The following FILIP1 variants were observed in gnomAD, a reference collection of about 807,000 sequenced individuals.
FILIP1 encodes the protein filamin-A-interacting protein 1.
FILIP1 carries 61 observed loss-of-function variants against 102.1 expected under a neutral mutation model. That is an observed-to-expected ratio of 0.60 (90% CI 0.49 to 0.74). The LOEUF (loss-of-function observed/expected upper bound fraction) is 0.74, where lower values mean the gene tolerates loss of function less well. FILIP1 is among the 30% of genes least tolerant of loss of function. The pLI is 0.00. For synonymous variants in FILIP1, 491 were observed against 526.9 expected (o/e 0.93, Z 0.93); for missense variants, 1,314 against 1,441.2 (o/e 0.91, Z 1.43).
chr6:75,319,520 C>T, intron 4 of FILIP1: 2 of 574,764 alleles, frequency 3.5e-6, no homozygotes, highest in Admixed American at 3.8e-5. Flanking sequence ...GGTCTTCTAC[C>T]TCTCTGAGCA....
Position 75,312,902 on chromosome 6 carries a change from G to C in FILIP1, c.2930C>G (p.Ala977Gly). 1 of 1,614,190 alleles carries C rather than the reference G, an allele frequency of 6.2e-7. No homozygotes were observed. Among genetic ancestry groups the C allele is most frequent in the East Asian group, 2.2e-5 (1 of 44,886 alleles). The change falls in exon 5 of 6, where the codon GCC becomes GGC. Residue 977 changes from alanine to glycine, a missense_variant. By Grantham distance (60) the Ala-to-Gly change is moderately conservative. Coordinates refer to ENST00000237172, the MANE Select transcript of FILIP1 (RefSeq NM_015687.5). ...TGTAGTAATTGTGACTGGGGACATG[G>C]CTCGTTCTGGGCCAAGAGTAGTATC... ...SGDTTLGPER[A>G]MSPVTITTFS...
chr6:75,425,531 G>C (rs1239201224), intron 1 of FILIP1, among the ~76,000 whole-genome samples: 1 of 152,024 alleles, frequency 6.6e-6, no homozygotes, highest in African/African-American at 2.4e-5. Context: ...CTCCACACTG[G>C]CCTTAAGGTG....
At chr6:75,295,770 T>A in exon 7 of FILIP1, 1 of 472,770 alleles carries the variant, frequency 2.1e-6, no homozygotes, top group Non-Finnish European at 3.4e-6. Flanking sequence ...ATTATATCCT[T>A]AAAAAAAAAT....
intron 2 of FILIP1, chr6:75,367,282 T>C (rs1401037827): frequency 1.3e-5 from 2 of 152,222 alleles, no homozygotes; most frequent in African/African-American, 2.4e-5. Context: ...ACATTGTATT[T>C]ATTTACAACC....
chr6:75,486,176 G>T (rs1779784272), intron 1 of FILIP1, among the ~76,000 whole-genome samples: 1 of 152,210 alleles, frequency 6.6e-6, no homozygotes. Context: ...GGGGCTCTGA[G>T]TTGTCAATAG....
chr6:75,366,282 T>C (rs553187194), intron 2 of FILIP1, among the ~76,000 whole-genome samples: 1 of 152,372 alleles, frequency 6.6e-6, no homozygotes, highest in Admixed American at 6.5e-5. Flanking sequence ...AAATTGGCTC[T>C]CAAATGTAAA....
chr6:75,390,919 C>T (rs1474579729), intron 2 of FILIP1, among the ~76,000 whole-genome samples: 2 of 151,998 alleles, frequency 1.3e-5, no homozygotes, highest in Non-Finnish European at 2.9e-5. Context: ...GATGTTCTGA[C>T]TTCCCAGTTC....
intron 4 of FILIP1, among the ~76,000 whole-genome samples, chr6:75,329,888 A>G (rs186406035): frequency 6.6e-6 from 1 of 152,330 alleles, no homozygotes; most frequent in Admixed American, 6.5e-5. Context: ...TGAGGTATCC[A>G]TGACCTCAAG....
rs1562468914 is a variant in FILIP1 at position 75,331,761 on chromosome 6, GTACACTACAC to G, written c.630-16569_630-16560del. Among the ~76,000 whole-genome samples, 21 of 11,708 alleles carry G rather than the reference GTACACTACAC, an allele frequency of 1.8e-3. 1 individual carries two copies. In the East Asian group the frequency reaches 0.019, roughly 10 times the overall value. The allele number at this position is 11,708 out of a possible 152,430, so 7.7% of individuals were successfully genotyped here. On this transcript the variant is annotated intron_variant, in intron 4 of 5. Coordinates refer to ENST00000237172, the MANE Select transcript of FILIP1 (RefSeq NM_015687.5). ...ATTCCTTCACTAGTCAGGCACCCTT[GTACACTACAC>G]CTTGTAAGCTACAACCTGCACGACT...
intron 1 of FILIP1, among the ~76,000 whole-genome samples, chr6:75,416,778 CA>C (rs1367399666): frequency 6.6e-6 from 1 of 151,934 alleles, no homozygotes; most frequent in Non-Finnish European, 1.5e-5. Flanking sequence ...GATGACATAC[CA>C]AATATTGATT....
At chr6:75,413,098 C>G (rs1465992562) in intron 2 of FILIP1, among the ~76,000 whole-genome samples, 2 of 152,050 alleles carry the variant, frequency 1.3e-5, no homozygotes, top group Non-Finnish European at 2.9e-5. Context: ...AACATAAAAA[C>G]CACATGAATC....
intron 2 of FILIP1, 78 bp downstream of exon 2, chr6:75,414,619 G>A (rs1457061231): frequency 7.5e-7 from 1 of 1,339,476 alleles, no homozygotes; most frequent in Non-Finnish European, 1.0e-6. Flanking sequence ...TACTCAGAGA[G>A]GGGAACAGAT....
rs142460385 is a variant in FILIP1 at position 75,471,516 on chromosome 6, C to T, written c.-7+21898G>A. 4.1e-4 allele frequency among the ~76,000 whole-genome samples: 63 copies of T among 152,210 alleles called. No homozygotes were observed. In the East Asian group the frequency reaches 0.012, roughly 28 times the overall value. On this transcript the variant is annotated intron_variant, in intron 1 of 5. Coordinates refer to ENST00000237172, the MANE Select transcript of FILIP1 (RefSeq NM_015687.5). ...GAAGGGAATTTAAATATAAGTATTG[C>T]GCATTCACGGATAATTTTGCATATC...
At chr6:75,392,237 CATG>C (rs1022518160) in intron 2 of FILIP1, among the ~76,000 whole-genome samples, 13 of 152,056 alleles carry the variant, frequency 8.5e-5, no homozygotes, top group African/African-American at 3.1e-4. Context: ...TTGCTTTCTT[CATG>C]ATTTTACTGG....
At chr6:75,361,245 T>G (rs1775163780) in intron 3 of FILIP1, among the ~76,000 whole-genome samples, 1 of 152,174 alleles carries the variant, frequency 6.6e-6, no homozygotes, top group Admixed American at 6.5e-5. Context: ...CAGGCCTACT[T>G]TCTAAAGGTA....
Position 75,318,055 on chromosome 6 carries a change from T to A in FILIP1, c.630-2853A>T, listed in dbSNP as rs1345731196. On this transcript the variant is annotated intron_variant, in intron 4 of 5. Transcript: ENST00000237172. ...AACATTCCTTGCAAATGCTGTGTCCTCTGCTTAGTATTTCCTCCCTGCTCC... is the reference window on the plus strand; with the variant it reads ...AACATTCCTTGCAAATGCTGTGTCCACTGCTTAGTATTTCCTCCCTGCTCC... 3.3e-5 allele frequency among the ~76,000 whole-genome samples: 5 copies of A among 152,272 alleles called. No homozygotes were observed. The East Asian group carries it at 9.6e-4, about 29-fold the overall frequency.
chr6:75,347,434 T>G (rs1413524551), intron 4 of FILIP1, among the ~76,000 whole-genome samples: 4 of 152,266 alleles, frequency 2.6e-5, no homozygotes, highest in Non-Finnish European at 5.9e-5. Flanking sequence ...TCTGCTGTTA[T>G]GTTCCACATA....
chr6:75,325,914 C>T (rs893072228), intron 4 of FILIP1, among the ~76,000 whole-genome samples: 2 of 152,122 alleles, frequency 1.3e-5, no homozygotes, highest in Non-Finnish European at 2.9e-5. Context: ...TGGGGATCTA[C>T]CCAGGGGAAA....
At chr6:75,459,828 A>AT (rs755857249) in intron 1 of FILIP1, among the ~76,000 whole-genome samples, 3 of 152,218 alleles carry the variant, frequency 2.0e-5, no homozygotes, top group Non-Finnish European at 2.9e-5. Flanking sequence ...GAATTAGAAG[A>AT]TAATTTTCAG....
Sources: allele counts gnomAD v4.1 joint callset (sites outside exome capture counted in the v4.1 genomes callset), GRCh38; gene constraint gnomAD v4.1.1; transcripts MANE v1.5; gene names NCBI Gene and HGNC (gene_info 2026-07-23, HGNC 2026-07-21).